The following PRICKLE2 variants were observed in gnomAD, a reference collection of about 807,000 sequenced individuals.
PRICKLE2 encodes prickle-like protein 2.
PRICKLE2 carries 21 observed loss-of-function variants against 81.4 expected under a neutral mutation model. That is an observed-to-expected ratio of 0.26 (90% CI 0.18 to 0.37). The LOEUF is 0.37. Ranked by LOEUF, PRICKLE2 falls within the 10% of genes least tolerant of loss-of-function variation. PRICKLE2 has a pLI of 1.00. For synonymous variants in PRICKLE2, 456 were observed against 421.5 expected (o/e 1.08, Z -1.00); for missense variants, 940 against 1,109.0 (o/e 0.85, Z 2.16).
rs183998335 is a variant in PRICKLE2 at position 64,231,178 on chromosome 3, C to T, written c.129-32211G>A. On this transcript the variant is annotated intron_variant, in intron 2 of 8. Coordinates refer to the PRICKLE2 transcript ENST00000295902. ...CAAAATTTTAACACAGCCTTTTATC[C>T]TCTTTTAATTACATTAATTAAAATG... Among the ~76,000 whole-genome samples the T allele has an allele frequency of 2.1e-3, 315 of 152,230 alleles. 3 individuals carry two copies. Among genetic ancestry groups the T allele is most frequent in the Non-Finnish European group, 8.4e-4 (57 of 68,012 alleles).
chr3:64,217,781 A>C (rs2078895202), intron 1 of PRICKLE2, among the ~76,000 whole-genome samples: 1 of 152,210 alleles, frequency 6.6e-6, no homozygotes, highest in Non-Finnish European at 1.5e-5. Context: ...AAGTGGACTA[A>C]GGAGACTGGA....
At chr3:64,155,041 C>T (rs1402659505) in intron 5 of PRICKLE2, 7 of 149,962 alleles carry the variant, frequency 4.7e-5, no homozygotes, top group Non-Finnish European at 7.4e-5. Flanking sequence ...CCCAGCTACT[C>T]AGGAGGTTCG....
At chr3:64,156,512 A>C (rs2077637396) in intron 5 of PRICKLE2, among the ~76,000 whole-genome samples, 1 of 152,164 alleles carries the variant, frequency 6.6e-6, no homozygotes, top group South Asian at 2.1e-4. Flanking sequence ...AAGCTAAACC[A>C]GGTTTTCTAT....
chr3:64,249,303 T>C (rs946843562), intron 2 of PRICKLE2, among the ~76,000 whole-genome samples: 5 of 152,246 alleles, frequency 3.3e-5, no homozygotes, highest in Admixed American at 1.3e-4. Context: ...GAGAACTCAC[T>C]CACTATCACA....
intron 2 of PRICKLE2, among the ~76,000 whole-genome samples, chr3:64,175,905 T>C (rs1575621330): frequency 6.6e-6 from 1 of 152,194 alleles, no homozygotes; most frequent in Non-Finnish European, 1.5e-5. Flanking sequence ...CTAGTAATCA[T>C]GACCCGAGAA....
intron 1 of PRICKLE2, among the ~76,000 whole-genome samples, chr3:64,222,877 T>A (rs2078977932): frequency 6.6e-6 from 1 of 152,266 alleles, no homozygotes; most frequent in Non-Finnish European, 1.5e-5. Flanking sequence ...GCTTTCTACA[T>A]GTGACTTGTC....
chr3:64,129,063 G>C lies in PRICKLE2; in HGVS notation c.1660+17767C>G, dbSNP rs562102289. ...AGCCAGTAGCATCCAATTCTCTCTT[G>C]TGACAACCAACAATGTCTACAGATA... On this transcript the variant is annotated intron_variant, in intron 7 of 7. Transcript: ENST00000638394. Among the ~76,000 whole-genome samples the C allele has an allele frequency of 2.6e-5, 4 of 152,208 alleles. No individual in the cohort carries two copies. The South Asian group carries it at 8.3e-4, about 32-fold the overall frequency.
chr3:64,239,359 G>A (rs1279183085), intron 2 of PRICKLE2, among the ~76,000 whole-genome samples: 2 of 152,156 alleles, frequency 1.3e-5, no homozygotes, highest in Non-Finnish European at 2.9e-5. Flanking sequence ...GGTTCAGCTC[G>A]CTGGGATGAG....
chr3:64,123,851 C>T (rs901339856), intron 7 of PRICKLE2, among the ~76,000 whole-genome samples: 1 of 152,118 alleles, frequency 6.6e-6, no homozygotes, highest in African/African-American at 2.4e-5. Context: ...GGTCTATTTC[C>T]TGAGACCAAA....
intron 7 of PRICKLE2, among the ~76,000 whole-genome samples, chr3:64,127,399 G>A (rs2077125032): frequency 6.6e-6 from 1 of 152,124 alleles, no homozygotes; most frequent in Non-Finnish European, 1.5e-5. Context: ...TTCCTCTATT[G>A]GTATTTAATG....
At position 64,093,650 on chromosome 3, in the gene PRICKLE2, A is replaced by G. The variant is rs1013404549; in HGVS notation, c.*5401T>C. 6.6e-5 allele frequency: 10 copies of G among 152,206 alleles called. No individual in the cohort carries two copies. The highest frequency in any genetic ancestry group is 2.4e-4 in the African/African-American group (10 of 41,444). 9.4% of individuals were successfully genotyped at this position (152,206 alleles called of 1,614,324 possible). ...TCAGCGATGTTGCTAAACATCCTAC[A>G]ATGCACAGGACAGCCCTCTGCAACC... On this transcript the variant is annotated 3_prime_UTR_variant, in exon 8 of 8. Coordinates refer to ENST00000638394, the MANE Select transcript of PRICKLE2 (RefSeq NM_198859.4).
rs537829828 is a variant in PRICKLE2, at chr3:64,166,530, T to C, written c.145-3401A>G. Among the ~76,000 whole-genome samples the C allele has an allele frequency of 2.2e-4, 33 of 152,304 alleles. 1 individual carries two copies. The highest frequency in any genetic ancestry group is 6.7e-4 in the African/African-American group (28 of 41,554). ...AGTGACTACTCTTTGGGAACACAGC[T>C]CTATCTTTCCTGGACATCTTTTGTC... On this transcript the variant is annotated intron_variant, in intron 2 of 7. Coordinates refer to ENST00000638394, the MANE Select transcript of PRICKLE2 (RefSeq NM_198859.4).
At chr3:64,123,284 C>T (rs1260554812) in intron 7 of PRICKLE2, among the ~76,000 whole-genome samples, 4 of 152,190 alleles carry the variant, frequency 2.6e-5, no homozygotes. Context: ...CTTCAGATGA[C>T]TGTGAGCTAT....
At chr3:64,220,059 T>G (rs9877584) in intron 1 of PRICKLE2, among the ~76,000 whole-genome samples, 21,332 of 152,204 alleles carry the variant, frequency 0.14, 1,584 homozygotes, top group East Asian at 0.22. Flanking sequence ...CACAGACACA[T>G]AGACACCCAA....
At chr3:64,123,585 T>G (rs997094471) in intron 7 of PRICKLE2, among the ~76,000 whole-genome samples, 4 of 152,352 alleles carry the variant, frequency 2.6e-5, no homozygotes, top group African/African-American at 9.6e-5. Context: ...CAGCACCATT[T>G]TTCCAACAGC....
At chr3:64,257,571 T>C (rs2107186020) in intron 2 of PRICKLE2, among the ~76,000 whole-genome samples, 1 of 152,326 alleles carries the variant, frequency 6.6e-6, no homozygotes, top group South Asian at 2.1e-4. Context: ...TGTCTTTAGC[T>C]GGGTGTTTAC....
chr3:64,171,151 T>A (rs2077923980), intron 2 of PRICKLE2, among the ~76,000 whole-genome samples: 1 of 152,190 alleles, frequency 6.6e-6, no homozygotes, highest in South Asian at 2.1e-4. Context: ...GATATTTACA[T>A]GGTGTCATCC....
intron 1 of PRICKLE2, among the ~76,000 whole-genome samples, chr3:64,218,006 A>G (rs1265026887): frequency 6.6e-6 from 1 of 152,222 alleles, no homozygotes; most frequent in Non-Finnish European, 1.5e-5. Flanking sequence ...CCTGAATCAC[A>G]AGATATACTC....
rs6790708 is a variant in PRICKLE2 at position 64,267,606 on chromosome 3, T to C, written c.129-68639A>G. 5.4e-3 allele frequency among the ~76,000 whole-genome samples: 820 copies of C among 151,164 alleles called. 10 individuals carry two copies. The highest frequency in any genetic ancestry group is 0.019 in the African/African-American group (781 of 41,538). ...AAGCAAGTCCAGGGATGTTTTCATG[T>C]TCCCTCTTAAGTAGTCCTAATACAA... On this transcript the variant is annotated intron_variant, in intron 2 of 8. Coordinates refer to the PRICKLE2 transcript ENST00000295902.
Sources: allele counts gnomAD v4.1 joint callset (sites outside exome capture counted in the v4.1 genomes callset), GRCh38; gene constraint gnomAD v4.1.1; transcripts MANE v1.5; gene names NCBI Gene and HGNC (gene_info 2026-07-23, HGNC 2026-07-21).